TBCA: variants seen among roughly 807,000 people sequenced by gnomAD.
TBCA encodes tubulin folding cofactor A.
Under a neutral mutation model 15.8 loss-of-function variants are expected in TBCA, and 6 were observed. The ratio of observed to expected loss-of-function variants is 0.38; its 90% CI spans 0.21 to 0.75. The LOEUF is 0.75. Ranked by LOEUF, TBCA falls within the 30% of genes least tolerant of loss-of-function variation. TBCA has a pLI of 0.46. For synonymous variants in TBCA, 32 were observed against 42.3 expected (o/e 0.76, Z 0.94); for missense variants, 90 against 131.2 (o/e 0.69, Z 1.53).
At chr5:77,731,503 G>C (rs181923671) in intron 1 of TBCA, among the ~76,000 whole-genome samples, 465 of 152,248 alleles carry the variant, frequency 3.1e-3, no homozygotes, top group Non-Finnish European at 3.7e-3. Flanking sequence ...TATTTTAAGT[G>C]TCATCCAATC....
chr5:77,708,425 C>T (rs1052043288), intron 1 of TBCA, 78 bp from the exon 2 acceptor site: 4 of 803,606 alleles, frequency 5.0e-6, no homozygotes, highest in Non-Finnish European at 7.9e-6. Flanking sequence ...AAATATAAAA[C>T]ATATTATATT....
chr5:77,768,026 T>G (rs1561286290), intron 1 of TBCA, among the ~76,000 whole-genome samples: 1 of 152,186 alleles, frequency 6.6e-6, no homozygotes, highest in African/African-American at 2.4e-5. Flanking sequence ...TTCTGCCATG[T>G]GAAGACACAG....
Position 77,707,245 on chromosome 5 carries a change from G to A in TBCA, c.159+997C>T, listed in dbSNP as rs759941096. 6.6e-5 allele frequency among the ~76,000 whole-genome samples: 10 copies of A among 152,248 alleles called. No individual in the cohort carries two copies. In the East Asian group the frequency reaches 9.7e-4, roughly 15 times the overall value. The stretch of plus-strand genomic sequence containing the variant: ...TGCAGATAGGTTGACAGATTTTGTC[G>A]TAAGAATATGAGAAAGTTCCCTAAC... On this transcript the variant is annotated intron_variant, in intron 2 of 3. Coordinates refer to ENST00000380377, the MANE Select transcript of TBCA (RefSeq NM_004607.3).
chr5:77,741,575 T>TA (rs79651768), intron 1 of TBCA, among the ~76,000 whole-genome samples: 1 of 152,252 alleles, frequency 6.6e-6, no homozygotes, highest in African/African-American at 2.4e-5. Flanking sequence ...TAGATTTTTT[T>TA]AAAAAAGTAA....
chr5:77,720,359 A>T (rs1295245532), intron 1 of TBCA, among the ~76,000 whole-genome samples: 2 of 152,152 alleles, frequency 1.3e-5, no homozygotes, highest in Admixed American at 1.3e-4. Context: ...TGGGGAAAAT[A>T]GCTAAGTTGT....
intron 1 of TBCA, among the ~76,000 whole-genome samples, chr5:77,758,116 C>T (rs1201701228): frequency 1.3e-5 from 2 of 152,050 alleles, no homozygotes; most frequent in African/African-American, 2.4e-5. Context: ...ACAAGTGTGG[C>T]GTTTGACCTT....
chr5:77,752,506 G>C (rs1313447099), intron 1 of TBCA, among the ~76,000 whole-genome samples: 1 of 152,144 alleles, frequency 6.6e-6, no homozygotes, highest in Non-Finnish European at 1.5e-5. Flanking sequence ...TGGGATTACA[G>C]GCACATGCCA....
chr5:77,773,425 C>G (rs1257115225), intron 1 of TBCA, among the ~76,000 whole-genome samples: 1 of 152,104 alleles, frequency 6.6e-6, no homozygotes, highest in Admixed American at 6.5e-5. Context: ...CATTTACTAC[C>G]CACTTGCTAT....
At position 77,766,512 on chromosome 5, in the gene TBCA, A is replaced by ATT. The variant is rs1180091515; in HGVS notation, c.53+9691_53+9692dup. On this transcript the variant is annotated intron_variant, in intron 1 of 3. Coordinates refer to ENST00000380377, the MANE Select transcript of TBCA (RefSeq NM_004607.3). ...CTCACTTTTATTTATTTATTTATTTATTTTTTTTTTTTTTTGAGACGGAGT... is the reference window on the plus strand; with the variant it reads ...CTCACTTTTATTTATTTATTTATTTATTTTTTTTTTTTTTTTTGAGACGGAGT... Among the ~76,000 whole-genome samples the ATT allele has an allele frequency of 1.7e-4, 10 of 58,290 alleles. 2 individuals carry two copies. Among genetic ancestry groups the ATT allele is most frequent in the East Asian group, 1.9e-3 (2 of 1,028 alleles). The allele number at this position is 58,290 out of a possible 152,430, so 38.2% of individuals were successfully genotyped here.
intron 1 of TBCA, among the ~76,000 whole-genome samples, chr5:77,748,405 AG>A (rs1449088559): frequency 6.7e-6 from 1 of 149,974 alleles, no homozygotes; most frequent in African/African-American, 2.5e-5. Context: ...AATATGGGGG[AG>A]GGAGAGACTC....
intron 1 of TBCA, among the ~76,000 whole-genome samples, chr5:77,751,550 G>C (rs553487448): frequency 2.0e-5 from 3 of 152,048 alleles, no homozygotes; most frequent in Non-Finnish European, 4.4e-5. Flanking sequence ...GGTTGGGGGT[G>C]GGGGAGGGTT....
intron 1 of TBCA, among the ~76,000 whole-genome samples, chr5:77,740,640 G>A (rs908398614): frequency 2.0e-5 from 3 of 152,126 alleles, no homozygotes; most frequent in African/African-American, 7.2e-5. Flanking sequence ...GTGATATTAA[G>A]GTGGAAATGG....
chr5:77,746,033 T>C (rs755743065), intron 1 of TBCA, among the ~76,000 whole-genome samples: 167 of 152,340 alleles, frequency 1.1e-3, no homozygotes, highest in Non-Finnish European at 2.5e-4. Context: ...TCAATAGTAG[T>C]AAAACTTGCA....
At chr5:77,707,548 C>G (rs370564782) in intron 2 of TBCA, among the ~76,000 whole-genome samples, 1 of 151,986 alleles carries the variant, frequency 6.6e-6, no homozygotes, top group African/African-American at 2.4e-5. Flanking sequence ...GAGGTTGAGA[C>G]AGGGATTGGT....
At chr5:77,742,023 G>T (rs967016953) in intron 1 of TBCA, among the ~76,000 whole-genome samples, 1 of 152,136 alleles carries the variant, frequency 6.6e-6, no homozygotes, top group African/African-American at 2.4e-5. Flanking sequence ...CACTCTTAAG[G>T]AACTCAGTCC....
intron 1 of TBCA, among the ~76,000 whole-genome samples, chr5:77,745,680 T>C (rs1049455109): frequency 1.3e-5 from 2 of 152,238 alleles, no homozygotes; most frequent in African/African-American, 2.4e-5. Flanking sequence ...TGAACAGTGG[T>C]CAATATTTAA....
Position 77,693,261 on chromosome 5 carries a change from C to T in TBCA, c.246+5G>A. On this transcript the variant is annotated splice_donor_5th_base_variant and intron_variant, in intron 3 of 3. Transcript: ENST00000380377. Reference sequence around the variant, plus strand: ...TTTAAACATGACACAGAAGTCTTTGCTTACTAGTATCCGTTGAAGATCCAA... The same window carrying T: ...TTTAAACATGACACAGAAGTCTTTGTTTACTAGTATCCGTTGAAGATCCAA... The T allele has an allele frequency of 6.2e-7, 1 of 1,613,638 alleles. No individual in the cohort carries two copies. The highest frequency in any genetic ancestry group is 8.5e-7 in the Non-Finnish European group (1 of 1,179,874).
At chr5:77,700,987 C>T (rs1017439483) in intron 2 of TBCA, among the ~76,000 whole-genome samples, 3 of 151,980 alleles carry the variant, frequency 2.0e-5, no homozygotes, top group African/African-American at 7.2e-5. Flanking sequence ...TTGTAAAAAC[C>T]CTTCTAGACA....
Position 77,716,536 on chromosome 5 carries a change from T to C in TBCA, c.54-8189A>G, listed in dbSNP as rs189295893. On this transcript the variant is annotated intron_variant, in intron 1 of 3. Coordinates refer to ENST00000380377, the MANE Select transcript of TBCA (RefSeq NM_004607.3). ...ATGAACCAAGCAGTGTGCCAAGGCA[T>C]GCTAAATGCCATATATATCATTTAA... Among the ~76,000 whole-genome samples, 219 of 152,302 alleles carry C rather than the reference T, an allele frequency of 1.4e-3. 1 individual carries two copies. Among genetic ancestry groups the C allele is most frequent in the Non-Finnish European group, 2.1e-3 (144 of 68,028 alleles).
Sources: gnomAD v4.1 joint callset for allele counts (sites outside exome capture counted in the v4.1 genomes callset) on GRCh38, gnomAD v4.1.1 for gene constraint, MANE v1.5 for transcripts, NCBI Gene and HGNC (gene_info 2026-07-23, HGNC 2026-07-21) for gene names.